ARFRP1: variants seen among roughly 807,000 people sequenced by gnomAD.
ARFRP1 encodes the protein ARF related protein 1, also known as ADP-ribosylation factor-related protein 1.
A neutral mutation model predicts 30.3 loss-of-function variants in ARFRP1; 19 were observed. The observed-to-expected ratio is 0.63, with a 90% CI of 0.44 to 0.92. The LOEUF (loss-of-function observed/expected upper bound fraction) is 0.92. ARFRP1 is among the 40% of genes least tolerant of loss of function. The pLI, the probability that ARFRP1 is intolerant of heterozygous loss-of-function variation, is 0.00. For missense variants in ARFRP1, 245 were observed against 267.5 expected, an observed-to-expected ratio of 0.92 and a Z score of 0.59; for synonymous variants, 133 against 114.2, an observed-to-expected ratio of 1.16 and a Z score of -1.05.
intron 3 of ARFRP1, 39 bp from the exon 4 acceptor site, chr20:63,706,478 G>A (rs1253748144): frequency 1.3e-6 from 2 of 1,595,884 alleles, no homozygotes; most frequent in Non-Finnish European, 1.7e-6. Flanking sequence ...CATGACCTTG[G>A]TCCTCGACAC....
At chr20:63,702,448 C>T in intron 4 of ARFRP1, 7 of 556,044 alleles carry the variant, frequency 1.3e-5, no homozygotes, top group South Asian at 1.2e-4. Flanking sequence ...CTGATGGTGG[C>T]CAAAGGTGAA....
chr20:63,702,506 A>T, intron 4 of ARFRP1: 1 of 409,046 alleles, frequency 2.4e-6, no homozygotes, highest in South Asian at 2.7e-5. Context: ...TTATCCCAAC[A>T]CTTTGGGAGG....
At chr20:63,707,135 G>C (rs756233430) in intron 1 of ARFRP1, 38 bp from the exon 2 acceptor site, 1 of 1,539,792 alleles carries the variant, frequency 6.5e-7, no homozygotes, top group African/African-American at 1.4e-5. Context: ...CAGCCAGAAA[G>C]CACCTCCCCT....
At position 63,702,221 on chromosome 20, in the gene ARFRP1, G is replaced by C. The variant is rs763841531; in HGVS notation, c.265-4C>G. 1.2e-6 allele frequency: 2 copies of C among 1,611,216 alleles called. No homozygotes were observed. The highest frequency in any genetic ancestry group is 2.7e-5 in the African/African-American group (2 of 74,896). Reference sequence around the variant, plus strand: ...CGCCGTGACACTCCGCATAATACTGGGAGGAAGCACCAGGAGTTGGGGCTC... The same window carrying C: ...CGCCGTGACACTCCGCATAATACTGCGAGGAAGCACCAGGAGTTGGGGCTC... On this transcript the variant is annotated splice_region_variant and splice_polypyrimidine_tract_variant and intron_variant, in intron 4 of 7. Transcript: ENST00000622789.
intron 4 of ARFRP1, 128 bp from the exon 5 acceptor site, chr20:63,702,345 A>G (rs1459233986): frequency 1.2e-6 from 1 of 849,856 alleles, no homozygotes; most frequent in Non-Finnish European, 1.9e-6. Flanking sequence ...CCCCAACTGC[A>G]AGACCCTTCT....
At chr20:63,704,914 C>T (rs979357567) in intron 4 of ARFRP1, 11 of 152,306 alleles carry the variant, frequency 7.2e-5, no homozygotes, top group Admixed American at 6.5e-4. Context: ...CCCGGCCAGC[C>T]TGGCCCCACA....
intron 6 of ARFRP1, chr20:63,701,376 T>C (rs2091197588): frequency 3.7e-6 from 2 of 539,134 alleles, no homozygotes; most frequent in Non-Finnish European, 7.5e-6. Flanking sequence ...CCGGGGGCAG[T>C]GGCACCTCAG....
At chr20:63,701,997 T>TTCCCCCCCCCCCCCCCCCCC in intron 5 of ARFRP1, 97 bp from the exon 6 acceptor site, 2 of 684,614 alleles carry the variant, frequency 2.9e-6, no homozygotes, top group South Asian at 1.9e-5. Context: ...CCACTCCCTC[T>TTCCCCCCCCCCCCCCCCCCC]GCCCCCCCCC....
intron 5 of ARFRP1, 98 bp from the exon 6 acceptor site, chr20:63,701,998 G>GACCCCCCCCCCC: frequency 1.0e-5 from 6 of 583,912 alleles, no homozygotes; most frequent in South Asian, 6.4e-5. Context: ...CACTCCCTCT[G>GACCCCCCCCCCC]CCCCCCCCCC....
Position 63,706,579 on chromosome 20 carries a change from G to A in ARFRP1, c.181+72C>T. On this transcript the variant is annotated intron_variant, in intron 3 of 7. Transcript: ENST00000622789. ...AGGGGCCCGACAGGGCTGTGGCCAC[G>A]GGCCAGCTGGACTGTGAATATCACG... is the stretch of plus-strand genomic sequence containing the variant. 6 of 1,523,274 alleles carry A rather than the reference G, an allele frequency of 3.9e-6. No individual in the cohort carries two copies. The Admixed American group carries it at 5.0e-5, about 13-fold the overall frequency. 94.4% of individuals were successfully genotyped at this position (1,523,274 alleles called of 1,614,324 possible).
intron 4 of ARFRP1, chr20:63,705,771 C>T (rs1405060274): frequency 1.9e-6 from 1 of 532,910 alleles, no homozygotes; most frequent in African/African-American, 1.9e-5. Flanking sequence ...CCCCAGGTCC[C>T]CACACTTTGT....
At chr20:63,705,472 A>G (rs1000563134) in intron 4 of ARFRP1, 3 of 401,772 alleles carry the variant, frequency 7.5e-6, no homozygotes, top group Admixed American at 3.2e-5. Context: ...CCAGGCTGAG[A>G]AGGAGATAAA....
rs908494379 is a variant in ARFRP1 at position 63,701,657 on chromosome 20, T to A, written c.417+173A>T. The A allele has an allele frequency of 1.0e-4, 66 of 641,438 alleles. No individual in the cohort carries two copies. The East Asian group carries it at 1.7e-3, about 16-fold the overall frequency. The allele number at this position is 641,438 out of a possible 1,614,324, so 39.7% of individuals were successfully genotyped here. On this transcript the variant is annotated intron_variant, in intron 6 of 7. Coordinates refer to ENST00000622789, the MANE Select transcript of ARFRP1 (RefSeq NM_001267547.3). ...CCTCCAGGGCTGGCAGCAGCAGGTC[T>A]GGAGAGGAACCAGGCTTGGGAAGCT... is the stretch of plus-strand genomic sequence containing the variant.
At position 63,701,884 on chromosome 20, in the gene ARFRP1, G is replaced by T. The variant is rs770198881; in HGVS notation, c.363C>A (p.Ser121Arg). ...SKQAFEKVVT[S>R]EALCGVPVLV... ...AGACGGGGACACCGCACAGCGCCTCGCTGGTCACCACCTTCTCTGGGGAGG... is the reference window on the plus strand; with the variant it reads ...AGACGGGGACACCGCACAGCGCCTCTCTGGTCACCACCTTCTCTGGGGAGG... Residue 121 changes from serine to arginine, a missense_variant, in exon 6 of 8, where the codon AGC becomes AGA. Ser to Arg is a moderately radical substitution (Grantham distance 110). Coordinates refer to ENST00000622789, the MANE Select transcript of ARFRP1 (RefSeq NM_001267547.3). 2 of 1,550,118 alleles carry T rather than the reference G, an allele frequency of 1.3e-6. No homozygotes were observed. Among genetic ancestry groups the T allele is most frequent in the South Asian group, 2.4e-5 (2 of 84,082 alleles).
chr20:63,698,712 G>C lies in ARFRP1; in HGVS notation c.*1731C>G. On this transcript the variant is annotated 3_prime_UTR_variant, in exon 8 of 8. Transcript: ENST00000622789. The stretch of plus-strand genomic sequence containing the variant: ...GGTTGTAGTTGCACAGCTACTGGGA[G>C]GGCAGCCGGGGACACCTGAGCCGCC... 1 of 1,005,210 alleles carries C rather than the reference G, an allele frequency of 9.9e-7. No individual in the cohort carries two copies. The allele number at this position is 1,005,210 out of a possible 1,614,324, so 62.3% of individuals were successfully genotyped here.
At chr20:63,707,250 T>C in intron 1 of ARFRP1, 153 bp from the exon 2 acceptor site, 2 of 641,582 alleles carry the variant, frequency 3.1e-6, no homozygotes, top group South Asian at 1.9e-5. Context: ...TCCCACCCCG[T>C]CCCTCTGTAA....
intron 6 of ARFRP1, 48 bp from the exon 7 acceptor site, chr20:63,700,750 C>A: frequency 6.3e-7 from 1 of 1,595,052 alleles, no homozygotes; most frequent in South Asian, 1.1e-5. Context: ...CTGGCCCTGT[C>A]CTGCCTGTGG....
intron 6 of ARFRP1, 52 bp downstream of exon 6, chr20:63,701,778 G>A: frequency 6.6e-7 from 1 of 1,511,066 alleles, no homozygotes. Flanking sequence ...CCTTGCTGTG[G>A]GGGAGGCTGG....
rs934282757 is a variant in ARFRP1 at position 63,700,042 on chromosome 20, G to C, written c.*401C>G. 1.2e-5 allele frequency: 3 copies of C among 259,828 alleles called. No individual in the cohort carries two copies. The Admixed American group carries it at 1.5e-4, about 13-fold the overall frequency. 16.1% of individuals were successfully genotyped at this position (259,828 alleles called of 1,614,324 possible). On this transcript the variant is annotated 3_prime_UTR_variant, in exon 8 of 8. Coordinates refer to ENST00000622789, the MANE Select transcript of ARFRP1 (RefSeq NM_001267547.3). Reference sequence around the variant, plus strand: ...AGCCAGATGGCAGCCATGGCTGACGGGCCTCCTCCTCGATGGGGCGGAGAC... The same window carrying C: ...AGCCAGATGGCAGCCATGGCTGACGCGCCTCCTCCTCGATGGGGCGGAGAC...
Sources: gnomAD v4.1 joint callset for allele counts on GRCh38, gnomAD v4.1.1 for gene constraint, MANE v1.5 for transcripts, NCBI Gene and HGNC (gene_info 2026-07-23, HGNC 2026-07-21) for gene names.